CNTN3: variants seen among roughly 807,000 people sequenced by gnomAD.
The protein encoded by CNTN3 is contactin 3, also known as contactin-3.
In CNTN3, 60 loss-of-function variants were observed where a neutral mutation model predicts 119.1. The observed-to-expected ratio is 0.50, with a 90% CI of 0.41 to 0.62. The LOEUF (loss-of-function observed/expected upper bound fraction) is 0.62. Among genes scored for constraint, CNTN3 ranks in the 20% least tolerant of loss-of-function variants. The pLI is 0.00. For missense variants in CNTN3, 1,101 were observed against 1,242.4 expected (o/e 0.89, Z 1.71); for synonymous variants, 450 against 438.7 (o/e 1.03, Z -0.32).
At chr3:74,596,131 G>T (rs1348390294) in intron 1 of CNTN3, among the ~76,000 whole-genome samples, 1 of 152,086 alleles carries the variant, frequency 6.6e-6, no homozygotes, top group Non-Finnish European at 1.5e-5. Context: ...ACTTACAAGG[G>T]ACGTGAAGGA....
intron 1 of CNTN3, among the ~76,000 whole-genome samples, chr3:74,605,386 G>T (rs1055562457): frequency 4.3e-4 from 66 of 152,020 alleles, no homozygotes; most frequent in African/African-American, 1.5e-3. Flanking sequence ...ACATCATGTT[G>T]TATACAATAA....
At chr3:74,351,299 A>G (rs912271534) in intron 11 of CNTN3, among the ~76,000 whole-genome samples, 1 of 152,228 alleles carries the variant, frequency 6.6e-6, no homozygotes, top group African/African-American at 2.4e-5. Flanking sequence ...ATTTGTCCAC[A>G]GGAAACCTTG....
chr3:74,460,987 G>A (rs1023488147), intron 4 of CNTN3, among the ~76,000 whole-genome samples: 1 of 151,334 alleles, frequency 6.6e-6, no homozygotes, highest in East Asian at 1.9e-4. Flanking sequence ...GATTTTTGAA[G>A]ATGCTTTTTA....
chr3:74,502,290 CAA>C (rs1703179655), intron 2 of CNTN3, among the ~76,000 whole-genome samples: 2 of 151,890 alleles, frequency 1.3e-5, no homozygotes, highest in African/African-American at 4.8e-5. Flanking sequence ...ACGAAAAAGG[CAA>C]AGAGAGGTGT....
intron 4 of CNTN3, among the ~76,000 whole-genome samples, chr3:74,480,106 A>G (rs1296380811): frequency 6.6e-6 from 1 of 152,090 alleles, no homozygotes; most frequent in Non-Finnish European, 1.5e-5. Flanking sequence ...GCCCAATAAA[A>G]TCCTATAATA....
intron 1 of CNTN3, among the ~76,000 whole-genome samples, chr3:74,610,328 AC>A (rs1705059637): frequency 1.7e-5 from 2 of 117,764 alleles, no homozygotes; most frequent in Non-Finnish European, 3.4e-5. Context: ...GTCGAAAAAA[AC>A]AAAAATGAAA....
intron 13 of CNTN3, among the ~76,000 whole-genome samples, chr3:74,323,889 A>T (rs938249681): frequency 1.3e-5 from 2 of 152,104 alleles, no homozygotes; most frequent in Admixed American, 6.5e-5. Flanking sequence ...GATTTTTTTT[A>T]AATTTTCAAG....
intron 4 of CNTN3, among the ~76,000 whole-genome samples, chr3:74,463,884 G>C (rs1387375705): frequency 2.6e-5 from 4 of 152,076 alleles, no homozygotes; most frequent in Non-Finnish European, 4.4e-5. Context: ...AATCCACAGG[G>C]AAAATAAATG....
chr3:74,571,762 G>C (rs1260505905), intron 1 of CNTN3, among the ~76,000 whole-genome samples: 1 of 151,948 alleles, frequency 6.6e-6, no homozygotes, highest in Non-Finnish European at 1.5e-5. Context: ...TTAGAAACTG[G>C]GAAGCAAAAC....
intron 5 of CNTN3, among the ~76,000 whole-genome samples, chr3:74,418,833 G>C (rs1701570643): frequency 6.6e-6 from 1 of 151,684 alleles, no homozygotes; most frequent in African/African-American, 2.4e-5. Context: ...CTGTTGCCCA[G>C]GCTGGAGTGC....
chr3:74,501,390 C>T (rs1300269683), intron 2 of CNTN3, among the ~76,000 whole-genome samples: 10 of 151,948 alleles, frequency 6.6e-5, no homozygotes, highest in African/African-American at 1.7e-4. Context: ...TGTCACACAT[C>T]GATACCGGAA....
chr3:74,408,599 C>T (rs1701382318), intron 5 of CNTN3, among the ~76,000 whole-genome samples: 1 of 152,106 alleles, frequency 6.6e-6, no homozygotes, highest in Non-Finnish European at 1.5e-5. Flanking sequence ...GAGGGCCATT[C>T]TCAACTATAT....
intron 4 of CNTN3, among the ~76,000 whole-genome samples, chr3:74,455,464 C>G (rs191486933): frequency 1.3e-5 from 2 of 151,620 alleles, no homozygotes; most frequent in Admixed American, 1.3e-4. Flanking sequence ...TCCTGTAGCT[C>G]GTAGTTTGAT....
Position 74,286,638 on chromosome 3 carries a change from C to T in CNTN3, c.2518-1147G>A, listed in dbSNP as rs917189461. Among the ~76,000 whole-genome samples the T allele has an allele frequency of 1.7e-4, 26 of 152,048 alleles. 1 individual carries two copies. The highest frequency in any genetic ancestry group is 6.3e-4 in the African/African-American group (26 of 41,480). On this transcript the variant is annotated intron_variant, in intron 19 of 22. Transcript: ENST00000263665. ...CCAGAAGGAGAGACTGAGGAAAAAC[C>T]AATATTCAAAGGGAAAAAGGCTGAT...
intron 20 of CNTN3, among the ~76,000 whole-genome samples, chr3:74,269,768 C>A (rs897237109): frequency 7.2e-5 from 11 of 152,034 alleles, no homozygotes; most frequent in African/African-American, 2.4e-4. Context: ...CACCCAAAGA[C>A]AAATACTTTA....
At chr3:74,324,857 T>C (rs1239039212) in intron 13 of CNTN3, among the ~76,000 whole-genome samples, 1 of 152,162 alleles carries the variant, frequency 6.6e-6, no homozygotes, top group Non-Finnish European at 1.5e-5. Context: ...AAATTTGTCC[T>C]CTGTGAAAGG....
At chr3:74,428,211 T>C (rs1443616370) in intron 4 of CNTN3, among the ~76,000 whole-genome samples, 3 of 152,174 alleles carry the variant, frequency 2.0e-5, no homozygotes, top group Admixed American at 2.0e-4. Context: ...TACGGGTTTA[T>C]GTATTTACTA....
chr3:74,353,572 C>T (rs1249924566), intron 11 of CNTN3, among the ~76,000 whole-genome samples: 7 of 152,128 alleles, frequency 4.6e-5, no homozygotes, highest in Admixed American at 1.3e-4. Flanking sequence ...CCGGCTAACA[C>T]GGTGAAACCC....
chr3:74,307,966 A>G (rs1418564155), intron 13 of CNTN3, among the ~76,000 whole-genome samples: 1 of 152,142 alleles, frequency 6.6e-6, no homozygotes, highest in East Asian at 1.9e-4. Flanking sequence ...CAGTGCTTCC[A>G]ATATTAATCA....
Sources: allele counts gnomAD v4.1 joint callset (sites outside exome capture counted in the v4.1 genomes callset), GRCh38; gene constraint gnomAD v4.1.1; transcripts MANE v1.5; gene names NCBI Gene and HGNC (gene_info 2026-07-23, HGNC 2026-07-21).